Variants in WNT3 observed in about 807,000 individuals in gnomAD.
WNT3 encodes proto-oncogene Wnt-3.
In WNT3, 7 loss-of-function variants were observed where a neutral mutation model predicts 34.2. That is an observed-to-expected ratio of 0.20 (90% CI 0.12 to 0.38). The LOEUF (loss-of-function observed/expected upper bound fraction) is 0.38, where lower values mean the gene tolerates loss of function less well. Ranked by LOEUF, WNT3 falls within the 10% of genes least tolerant of loss-of-function variation. WNT3 has a pLI of 1.00. For missense variants in WNT3, 267 were observed against 499.8 expected, an observed-to-expected ratio of 0.53 and a Z score of 4.44; for synonymous variants, 212 against 211.5, an observed-to-expected ratio of 1.00 and a Z score of -0.02.
chr17:46,784,684 G>A (rs1429265373), intron 1 of WNT3, among the ~76,000 whole-genome samples: 1 of 152,036 alleles, frequency 6.6e-6, no homozygotes, highest in Admixed American at 6.6e-5. Flanking sequence ...TCCATATTCC[G>A]GACGAGGTCC....
intron 1 of WNT3, among the ~76,000 whole-genome samples, chr17:46,807,652 T>C (rs1391356860): frequency 6.6e-6 from 1 of 152,178 alleles, no homozygotes; most frequent in Non-Finnish European, 1.5e-5. Context: ...TGACAGCAAA[T>C]GTGTATCCCA....
intron 1 of WNT3, among the ~76,000 whole-genome samples, chr17:46,786,235 G>C (rs1568083770): frequency 1.3e-5 from 2 of 152,156 alleles, no homozygotes; most frequent in Non-Finnish European, 2.9e-5. Flanking sequence ...GAGGGGACAA[G>C]AGGTGAGAGG....
chr17:46,779,942 A>G (rs1337509943), intron 1 of WNT3, among the ~76,000 whole-genome samples: 1 of 152,118 alleles, frequency 6.6e-6, no homozygotes, highest in Non-Finnish European at 1.5e-5. Context: ...TATTTTCAGT[A>G]GAGACAGGGT....
intron 1 of WNT3, among the ~76,000 whole-genome samples, chr17:46,783,613 G>A (rs1175370927): frequency 1.3e-5 from 2 of 152,192 alleles, no homozygotes; most frequent in Non-Finnish European, 2.9e-5. Flanking sequence ...TTCAGCCCCA[G>A]TAACCTCTGG....
chr17:46,816,360 A>C (rs1298362225), intron 1 of WNT3, among the ~76,000 whole-genome samples: 1 of 141,820 alleles, frequency 7.1e-6, no homozygotes, highest in Non-Finnish European at 1.5e-5. Flanking sequence ...ATCCCCCAAC[A>C]CGCCCACACG....
intron 1 of WNT3, among the ~76,000 whole-genome samples, chr17:46,812,077 G>A (rs981349473): frequency 1.2e-4 from 18 of 152,278 alleles, no homozygotes; most frequent in African/African-American, 3.9e-4. Context: ...CCAGCCCGTC[G>A]CCATCCAGTC....
intron 1 of WNT3, among the ~76,000 whole-genome samples, chr17:46,810,904 C>T (rs192541788): frequency 2.0e-5 from 3 of 152,200 alleles, no homozygotes; most frequent in Non-Finnish European, 4.4e-5. Context: ...GCCCGGAAGC[C>T]GCCCACCTCC....
intron 1 of WNT3, among the ~76,000 whole-genome samples, chr17:46,787,563 C>CT (rs1360568267): frequency 2.0e-5 from 3 of 152,230 alleles, no homozygotes; most frequent in Non-Finnish European, 2.9e-5. Context: ...GCTTGTCTCT[C>CT]TCATAGCACG....
intron 1 of WNT3, among the ~76,000 whole-genome samples, chr17:46,780,087 T>A (rs2059447493): frequency 1.3e-5 from 2 of 152,188 alleles, no homozygotes; most frequent in South Asian, 4.1e-4. Flanking sequence ...ACATTTTTAA[T>A]CAGTGAATTC....
At chr17:46,776,108 C>T (rs2059410217) in intron 1 of WNT3, among the ~76,000 whole-genome samples, 1 of 152,254 alleles carries the variant, frequency 6.6e-6, no homozygotes, top group Non-Finnish European at 1.5e-5. Flanking sequence ...CACAGAGCTC[C>T]TATGGAATTG....
At chr17:46,812,668 C>A (rs2084292134) in intron 1 of WNT3, among the ~76,000 whole-genome samples, 1 of 152,108 alleles carries the variant, frequency 6.6e-6, no homozygotes, top group African/African-American at 2.4e-5. Context: ...TGGCCCAGCA[C>A]CCTCAACTTA....
In WNT3 at chr17:46,768,496, G is replaced by A; in HGVS notation, c.892C>T (p.Arg298Trp). 6.2e-7 allele frequency: 1 copy of A among 1,614,182 alleles called. No individual in the cohort carries two copies. The change falls in exon 4 of 5, where the codon CGG becomes TGG. Residue 298 changes from arginine (R) to tryptophan (W), a missense_variant. This residue lies in a region of WNT3 where 60 missense variants were observed against 82.7 expected (regional missense o/e 0.73). Coordinates refer to ENST00000225512, the MANE Select transcript of WNT3 (RefSeq NM_030753.5). This position sits in a 1 kb window ranked among gnomAD's most constrained non-coding sequence, Gnocchi z 5.0. ...PETGSFGTRDRTCNVTSHGID... is the reference protein window; with the variant it reads ...PETGSFGTRDWTCNVTSHGID... Reference sequence around the variant, plus strand: ...CCGTGGGAGGTGACATTGCAAGTCCGGTCCCTTGTGCCAAAGGAACCCGTC... The same window carrying A: ...CCGTGGGAGGTGACATTGCAAGTCCAGTCCCTTGTGCCAAAGGAACCCGTC...
chr17:46,769,674 C>G, intron 3 of WNT3, 109 bp downstream of exon 3: 1 of 1,470,644 alleles, frequency 6.8e-7, no homozygotes, highest in Non-Finnish European at 9.2e-7. Context: ...GGAAAAGGAG[C>G]CCGCGACCCA....
chr17:46,815,851 C>T (rs993234074), intron 1 of WNT3, among the ~76,000 whole-genome samples: 1 of 152,128 alleles, frequency 6.6e-6, no homozygotes, highest in Non-Finnish European at 1.5e-5. Context: ...CCATGGCTGC[C>T]CACCAAACAC....
In WNT3 at chr17:46,791,135, A is replaced by G. The variant is rs117552032; in HGVS notation, c.81-17226T>C. 7.0e-3 allele frequency among the ~76,000 whole-genome samples: 1,068 copies of G among 152,114 alleles called. 8 individuals are homozygous for G. The highest frequency in any genetic ancestry group is 0.01 in the Non-Finnish European group (684 of 67,992). On this transcript the variant is annotated intron_variant, in intron 1 of 4. Transcript: ENST00000225512. ...CTTCAAGGCAGCAAGCCTTTTCCCT[A>G]CTGGGTTGGGGGCTCCACACCTTCC...
In WNT3 at chr17:46,763,726, G is replaced by T. The variant is rs1287565726; in HGVS notation, c.*904C>A. ...TCTGCAGGTGAGCAGGGCTGGGAAG[G>T]ACTGAATGGCCCCTTCTGAAGATAC... On this transcript the variant is annotated 3_prime_UTR_variant, in exon 5 of 5. Coordinates refer to ENST00000225512, the MANE Select transcript of WNT3 (RefSeq NM_030753.5). 1 of 151,094 alleles carries T rather than the reference G, an allele frequency of 6.6e-6. No individual in the cohort carries two copies. The highest frequency in any genetic ancestry group is 1.5e-5 in the Non-Finnish European group (1 of 67,926). The allele number at this position is 151,094 out of a possible 1,614,324, so 9.4% of individuals were successfully genotyped here.
chr17:46,787,068 G>A (rs1191418284), intron 1 of WNT3, among the ~76,000 whole-genome samples: 5 of 151,858 alleles, frequency 3.3e-5, no homozygotes, highest in African/African-American at 1.2e-4. Flanking sequence ...CTCCTGAGTA[G>A]CTGAGACTAC....
At chr17:46,771,681 G>T (rs1381072306) in intron 2 of WNT3, among the ~76,000 whole-genome samples, 1 of 143,478 alleles carries the variant, frequency 7.0e-6, no homozygotes, top group Non-Finnish European at 1.5e-5. Context: ...GCGTAGCAAC[G>T]GGCGGCTCCC....
chr17:46,781,455 T>A (rs1208268034), intron 1 of WNT3, among the ~76,000 whole-genome samples: 1 of 148,230 alleles, frequency 6.7e-6, no homozygotes, highest in Non-Finnish European at 1.5e-5. Flanking sequence ...AGCTACAACA[T>A]AGAAGAAACT....
Sources: allele counts gnomAD v4.1 joint callset (sites outside exome capture counted in the v4.1 genomes callset), GRCh38; gene constraint gnomAD v4.1.1; regional missense constraint gnomAD v4.1.1; non-coding constraint Gnocchi (gnomAD v3.1); transcripts MANE v1.5; gene names NCBI Gene and HGNC (gene_info 2026-07-23, HGNC 2026-07-21).